ARSB: variants seen among roughly 807,000 people sequenced by gnomAD.
ARSB encodes arylsulfatase B.
Under a neutral mutation model 50.9 loss-of-function variants are expected in ARSB, and 41 were observed. The observed-to-expected ratio is 0.81, with a 90% CI of 0.63 to 1.04. The LOEUF is 1.04. ARSB is among the 50% of genes least tolerant of loss of function. ARSB has a pLI of 0.00. For missense variants in ARSB, 672 were observed against 693.3 expected (o/e 0.97, Z 0.35); for synonymous variants, 269 against 284.8 (o/e 0.94, Z 0.56).
intron 2 of ARSB, among the ~76,000 whole-genome samples, chr5:78,966,403 A>T (rs1752207868): frequency 6.6e-6 from 1 of 152,154 alleles, no homozygotes; most frequent in Non-Finnish European, 1.5e-5. Flanking sequence ...ATCTTCTCTG[A>T]TGCTTTATGT....
chr5:78,804,936 CT>C (rs1743510983), intron 6 of ARSB, among the ~76,000 whole-genome samples: 1 of 152,232 alleles, frequency 6.6e-6, no homozygotes, highest in Non-Finnish European at 1.5e-5. Context: ...ACACATAGCA[CT>C]TTGCTCAGAA....
At chr5:78,918,278 G>A (rs1749648256) in intron 4 of ARSB, among the ~76,000 whole-genome samples, 1 of 152,118 alleles carries the variant, frequency 6.6e-6, no homozygotes, top group South Asian at 2.1e-4. Flanking sequence ...AACACATTGT[G>A]AGGTTTTTTT....
intron 1 of ARSB, among the ~76,000 whole-genome samples, chr5:78,973,767 G>A (rs7730428): frequency 0.27 from 40,395 of 152,116 alleles, 5,538 homozygotes; most frequent in Middle Eastern, 0.35. Flanking sequence ...GAAGGCGATA[G>A]ATGCTCTTTC....
At chr5:78,899,926 A>G (rs928455788) in intron 4 of ARSB, among the ~76,000 whole-genome samples, 3 of 151,848 alleles carry the variant, frequency 2.0e-5, no homozygotes, top group African/African-American at 7.3e-5. Flanking sequence ...TATTGATTCT[A>G]GTTTTCTCTG....
At chr5:78,940,208 A>C (rs1359130940) in intron 4 of ARSB, among the ~76,000 whole-genome samples, 9 of 152,158 alleles carry the variant, frequency 5.9e-5, no homozygotes, top group Non-Finnish European at 8.8e-5. Context: ...TAGATTGCAA[A>C]AATTTTCTAC....
chr5:78,809,590 C>T (rs1743728074), intron 6 of ARSB, among the ~76,000 whole-genome samples: 1 of 152,268 alleles, frequency 6.6e-6, no homozygotes, highest in Admixed American at 6.5e-5. Context: ...TTCTTGCCTT[C>T]AGCTGAAGCT....
intron 7 of ARSB, among the ~76,000 whole-genome samples, chr5:78,781,323 CTTTT>C (rs376851173): frequency 1.2e-4 from 9 of 75,352 alleles, no homozygotes; most frequent in South Asian, 1.1e-3. Context: ...CTCTCTCTCT[CTTTT>C]TTTTTTTTTT....
At chr5:78,859,488 T>C (rs926656531) in intron 5 of ARSB, among the ~76,000 whole-genome samples, 10 of 152,206 alleles carry the variant, frequency 6.6e-5, no homozygotes, top group African/African-American at 2.2e-4. Context: ...CATTTTAATA[T>C]CCACGAAGAA....
intron 1 of ARSB, among the ~76,000 whole-genome samples, chr5:78,969,735 G>A (rs1356064145): frequency 6.6e-6 from 1 of 152,142 alleles, no homozygotes; most frequent in Admixed American, 6.5e-5. Flanking sequence ...TCCTGCCTCA[G>A]CCTCCTGAGT....
intron 6 of ARSB, among the ~76,000 whole-genome samples, chr5:78,828,627 ATTTTC>A (rs1455976713): frequency 6.6e-6 from 1 of 151,672 alleles, no homozygotes; most frequent in Non-Finnish European, 1.5e-5. Context: ...CTGTTATCTG[ATTTTC>A]TTTTAACTTT....
intron 4 of ARSB, among the ~76,000 whole-genome samples, chr5:78,896,947 G>C (rs902145117): frequency 2.6e-5 from 4 of 151,938 alleles, no homozygotes; most frequent in Admixed American, 6.6e-5. Context: ...TATTTCATAG[G>C]AAAATGCGCA....
intron 6 of ARSB, among the ~76,000 whole-genome samples, chr5:78,796,791 C>A (rs1208944217): frequency 6.6e-6 from 1 of 151,920 alleles, no homozygotes; most frequent in African/African-American, 2.4e-5. Flanking sequence ...GTAGCTGGGA[C>A]TACAGGCACA....
At chr5:78,966,517 C>A (rs1415412485) in intron 2 of ARSB, among the ~76,000 whole-genome samples, 1 of 152,184 alleles carries the variant, frequency 6.6e-6, no homozygotes, top group Non-Finnish European at 1.5e-5. Context: ...AACTATCCCA[C>A]CATCACCTGA....
intron 4 of ARSB, among the ~76,000 whole-genome samples, chr5:78,910,998 TTTG>T (rs1339208154): frequency 2.6e-5 from 4 of 152,188 alleles, no homozygotes; most frequent in Admixed American, 6.5e-5. Flanking sequence ...ACTCTGTATT[TTTG>T]TTGTTGTTGT....
chr5:78,822,985 A>G (rs906924184), intron 6 of ARSB, among the ~76,000 whole-genome samples: 1 of 152,228 alleles, frequency 6.6e-6, no homozygotes, highest in Non-Finnish European at 1.5e-5. Context: ...TGAGATACTG[A>G]ATACAAAATT....
intron 4 of ARSB, among the ~76,000 whole-genome samples, chr5:78,911,619 T>C (rs931855168): frequency 1.7e-5 from 2 of 120,010 alleles, no homozygotes; most frequent in Admixed American, 8.2e-5. Flanking sequence ...AAAGAATAAC[T>C]TGGGCAATTA....
chr5:78,956,913 A>G (rs986973575), intron 3 of ARSB, among the ~76,000 whole-genome samples: 1 of 152,208 alleles, frequency 6.6e-6, no homozygotes, highest in Non-Finnish European at 1.5e-5. Flanking sequence ...CTTTTAGAAG[A>G]GGTTTAGTAT....
intron 7 of ARSB, among the ~76,000 whole-genome samples, chr5:78,781,410 T>C (rs542909572): frequency 2.7e-5 from 4 of 145,574 alleles, no homozygotes; most frequent in Admixed American, 7.1e-5. Context: ...CCCAGAGATA[T>C]GTTTTGCAAA....
At chr5:78,858,289 A>G (rs1349220730) in intron 5 of ARSB, among the ~76,000 whole-genome samples, 5 of 152,210 alleles carry the variant, frequency 3.3e-5, no homozygotes, top group African/African-American at 1.2e-4. Flanking sequence ...TTGAAAACTT[A>G]TAAAGTAGTA....
Sources: allele counts gnomAD v4.1 joint callset (sites outside exome capture counted in the v4.1 genomes callset), GRCh38; gene constraint gnomAD v4.1.1; transcripts MANE v1.5; gene names NCBI Gene and HGNC (gene_info 2026-07-23, HGNC 2026-07-21).